The following DAB2IP variants were observed in gnomAD, a reference collection of about 807,000 sequenced individuals.
DAB2IP encodes DAB2 interacting protein.
Under a neutral mutation model 107.2 loss-of-function variants are expected in DAB2IP, and 28 were observed. That is an observed-to-expected ratio of 0.26 (90% CI 0.19 to 0.36). The LOEUF (loss-of-function observed/expected upper bound fraction) is 0.36, where lower values mean the gene tolerates loss of function less well. Ranked by LOEUF, DAB2IP falls within the 10% of genes least tolerant of loss-of-function variation. DAB2IP has a pLI of 1.00. For synonymous variants in DAB2IP, 755 were observed against 706.4 expected, an observed-to-expected ratio of 1.07 and a Z score of -1.09; for missense variants, 1,400 against 1,644.7, an observed-to-expected ratio of 0.85 and a Z score of 2.57.
chr9:121,759,076 G>T, intron 5 of DAB2IP, 80 bp downstream of exon 5: 2 of 1,419,356 alleles, frequency 1.4e-6, no homozygotes, highest in Non-Finnish European at 2.0e-6. Flanking sequence ...GACTATCTCT[G>T]TGGTGTGGGC....
chr9:121,570,926 C>T (rs921438923), intron 1 of DAB2IP, among the ~76,000 whole-genome samples: 1 of 152,058 alleles, frequency 6.6e-6, no homozygotes, highest in South Asian at 2.1e-4. Flanking sequence ...CTCTCTCCTG[C>T]TGCTGCCCAC....
intron 3 of DAB2IP, among the ~76,000 whole-genome samples, chr9:121,703,647 C>T (rs1295910674): frequency 6.6e-6 from 1 of 152,160 alleles, no homozygotes. Context: ...GTGCTGTTTT[C>T]TTAGCATTTA....
At chr9:121,765,322 C>T (rs2118986615) in intron 8 of DAB2IP, among the ~76,000 whole-genome samples, 1 of 152,346 alleles carries the variant, frequency 6.6e-6, no homozygotes, top group South Asian at 2.1e-4. Flanking sequence ...TGGACAAGGC[C>T]ATTGATAGAT....
intron 2 of DAB2IP, among the ~76,000 whole-genome samples, chr9:121,690,957 A>C (rs904382763): frequency 6.6e-6 from 1 of 152,032 alleles, no homozygotes; most frequent in Non-Finnish European, 1.5e-5. Context: ...GAATGCCTTT[A>C]TGTGGCTATC....
At chr9:121,721,447 G>A (rs913888226) in intron 3 of DAB2IP, among the ~76,000 whole-genome samples, 12 of 152,230 alleles carry the variant, frequency 7.9e-5, no homozygotes, top group Non-Finnish European at 8.8e-5. Flanking sequence ...CTGGGAGAAG[G>A]ATTGATGTGT....
At chr9:121,777,493 A>G (rs745426699) in intron 14 of DAB2IP, among the ~76,000 whole-genome samples, 7 of 152,228 alleles carry the variant, frequency 4.6e-5, no homozygotes, top group Non-Finnish European at 8.8e-5. Context: ...ATGCTTTTCA[A>G]TTTAACTGCC....
At chr9:121,784,636 A>G (rs536426151) in exon 16 of DAB2IP, 2 of 155,000 alleles carry the variant, frequency 1.3e-5, no homozygotes, top group Admixed American at 6.5e-5. Flanking sequence ...TAATGTAACT[A>G]TCTCACCTAA....
At chr9:121,744,626 G>A (rs772624354) in intron 3 of DAB2IP, among the ~76,000 whole-genome samples, 7 of 152,202 alleles carry the variant, frequency 4.6e-5, no homozygotes, top group Non-Finnish European at 1.0e-4. Flanking sequence ...GGTGCATTTG[G>A]TCATAGGATT....
At chr9:121,722,342 G>A (rs1166861041) in intron 3 of DAB2IP, among the ~76,000 whole-genome samples, 1 of 152,202 alleles carries the variant, frequency 6.6e-6, no homozygotes, top group African/African-American at 2.4e-5. Context: ...GTCCTGCATT[G>A]TTCAGAGGGT....
chr9:121,781,382 G>A lies in DAB2IP; in HGVS notation c.3315-82G>A, dbSNP rs183878436. 12,082 of 1,327,042 alleles carry A rather than the reference G, an allele frequency of 9.1e-3. 82 individuals are homozygous for A. Among genetic ancestry groups the A allele is most frequent in the Non-Finnish European group, 0.012 (10,689 of 925,318 alleles). 82.2% of individuals were successfully genotyped at this position (1,327,042 alleles called of 1,614,324 possible). A position where few individuals can be genotyped will look rare whatever the true frequency, so the allele number is the denominator to read the frequency against. ...CTCCTAGTGTGTCCCTGCTGTGTGC[G>A]GGGGTGATGGGCTTGTTCTCACACC... On this transcript the variant is annotated intron_variant, in intron 14 of 15. Transcript: ENST00000408936.
At chr9:121,740,841 G>C (rs1832284381) in intron 3 of DAB2IP, among the ~76,000 whole-genome samples, 1 of 152,212 alleles carries the variant, frequency 6.6e-6, no homozygotes, top group South Asian at 2.1e-4. Context: ...GCAGGGGATA[G>C]TGTATTACCT....
At chr9:121,629,472 G>A (rs1010390149) in intron 1 of DAB2IP, among the ~76,000 whole-genome samples, 4 of 152,236 alleles carry the variant, frequency 2.6e-5, no homozygotes, top group Admixed American at 2.6e-4. Flanking sequence ...CCCCCTGAGA[G>A]GGTGGTGGTG....
chr9:121,679,939 A>C (rs974283816), intron 2 of DAB2IP, among the ~76,000 whole-genome samples: 1 of 152,206 alleles, frequency 6.6e-6, no homozygotes, highest in Non-Finnish European at 1.5e-5. Context: ...TCTGCTTGCC[A>C]TAGGGCTGGC....
At chr9:121,571,271 T>TC (rs1423584750) in intron 1 of DAB2IP, among the ~76,000 whole-genome samples, 1 of 152,112 alleles carries the variant, frequency 6.6e-6, no homozygotes, top group East Asian at 1.9e-4. Context: ...CACCTGCATC[T>TC]CCCGTGAGTC....
intron 3 of DAB2IP, among the ~76,000 whole-genome samples, chr9:121,753,585 G>C (rs182865727): frequency 6.6e-6 from 1 of 152,280 alleles, no homozygotes; most frequent in African/African-American, 2.4e-5. Context: ...ATCCCAGCAG[G>C]GGGCCTTGGG....
rs1247997899 is a variant in DAB2IP at position 121,651,826 on chromosome 9, C to CT, written c.52dup (p.Tyr18LeufsTer103). 5.4e-6 allele frequency: 8 copies of CT among 1,472,660 alleles called. No individual in the cohort carries two copies. The highest frequency in any genetic ancestry group is 7.2e-6 in the Non-Finnish European group (8 of 1,110,152). The allele number at this position is 1,472,660 out of a possible 1,614,324, so 91.2% of individuals were successfully genotyped here. A position where few individuals can be genotyped will look rare whatever the true frequency, so the allele number is the denominator to read the frequency against. On this transcript the variant is annotated frameshift_variant, in exon 1 of 16. Coordinates refer to ENST00000408936, the Ensembl canonical transcript of DAB2IP. LOFTEE classifies it high-confidence loss of function. The surrounding 1 kb of genome is among the most constrained non-coding windows in gnomAD (Gnocchi z 5.1). Reference sequence around the variant, plus strand: ...AGAGCACCGGGAGGTCCTCCTACTACTACCGGCTGCTGAGGCGGCCCCGGC... The same window carrying CT: ...AGAGCACCGGGAGGTCCTCCTACTACTTACCGGCTGCTGAGGCGGCCCCGGC...
At chr9:121,765,265 T>A (rs928012580) in intron 8 of DAB2IP, among the ~76,000 whole-genome samples, 7 of 152,342 alleles carry the variant, frequency 4.6e-5, no homozygotes, top group African/African-American at 1.4e-4. Context: ...TGGACAGTGA[T>A]TTTCCATTTC....
chr9:121,782,210 G>A lies in DAB2IP; in HGVS notation c.3403-121G>A. The A allele has an allele frequency of 1.4e-6, 2 of 1,480,708 alleles. No homozygotes were observed. The highest frequency in any genetic ancestry group is 1.8e-6 in the Non-Finnish European group (2 of 1,108,602). 91.7% of individuals were successfully genotyped at this position (1,480,708 alleles called of 1,614,324 possible). On this transcript the variant is annotated intron_variant, in intron 15 of 15. Coordinates refer to ENST00000408936, the Ensembl canonical transcript of DAB2IP. The surrounding 1 kb of genome is among the most constrained non-coding windows in gnomAD (Gnocchi z 6.1). ...TACCTTCTCTTGCCAGCTGCTCACA[G>A]CCCGGAGCCTGCCTGCCACCCTCAT... is the stretch of plus-strand genomic sequence containing the variant.
chr9:121,642,271 C>T (rs1832381833), intron 1 of DAB2IP, among the ~76,000 whole-genome samples: 1 of 150,482 alleles, frequency 6.6e-6, no homozygotes, highest in Non-Finnish European at 1.5e-5. Context: ...GACTGAGTCT[C>T]ACTCTGTCGC....
Sources: gnomAD v4.1 joint callset for allele counts (sites outside exome capture counted in the v4.1 genomes callset) on GRCh38, gnomAD v4.1.1 for gene constraint, Gnocchi (gnomAD v3.1) non-coding constraint, MANE v1.5 for transcripts, NCBI Gene and HGNC (gene_info 2026-07-23, HGNC 2026-07-21) for gene names.